Variants in PRDM10 observed in about 807,000 individuals in gnomAD.
PRDM10 encodes PR domain zinc finger protein 10.
Under a neutral mutation model 133.1 loss-of-function variants are expected in PRDM10, and 65 were observed. The ratio of observed to expected loss-of-function variants is 0.49; its 90% CI spans 0.40 to 0.60. PRDM10 has a LOEUF of 0.60. Among genes scored for constraint, PRDM10 ranks in the 20% least tolerant of loss-of-function variants. PRDM10 has a pLI of 0.00. For missense variants in PRDM10, 1,137 were observed against 1,507.1 expected, an observed-to-expected ratio of 0.75 and a Z score of 4.07; for synonymous variants, 582 against 580.4, an observed-to-expected ratio of 1.00 and a Z score of -0.04.
At chr11:129,917,084 A>G (rs762769444) in intron 15 of PRDM10, 43 bp downstream of exon 15, 1 of 1,435,528 alleles carries the variant, frequency 7.0e-7, no homozygotes, top group South Asian at 1.2e-5. Flanking sequence ...AGCTCTAAGC[A>G]GGGAACCCCA....
rs1177832697 is a variant in PRDM10 at position 129,987,030 on chromosome 11, T to C, written c.-119+15692A>G. Among the ~76,000 whole-genome samples the C allele has an allele frequency of 4.6e-5, 7 of 152,260 alleles. 1 individual carries two copies. The South Asian group carries it at 1.2e-3, about 27-fold the overall frequency. On this transcript the variant is annotated intron_variant, in intron 1 of 20. Coordinates refer to ENST00000360871, the MANE Select transcript of PRDM10 (RefSeq NM_199437.2). Reference sequence around the variant, plus strand: ...AGGAATAAGAATAGCCAAATGAAAATAAGCACCTCAAGTTCTTGTCTGCTA... The same window carrying C: ...AGGAATAAGAATAGCCAAATGAAAACAAGCACCTCAAGTTCTTGTCTGCTA...
intron 1 of PRDM10, among the ~76,000 whole-genome samples, chr11:129,973,941 T>C (rs1194973449): frequency 6.6e-6 from 1 of 152,248 alleles, no homozygotes; most frequent in Non-Finnish European, 1.5e-5. Flanking sequence ...CTGCCTTGCC[T>C]AGCTCAAGGC....
chr11:129,919,928 C>T (rs1591596187), intron 13 of PRDM10, among the ~76,000 whole-genome samples: 1 of 152,170 alleles, frequency 6.6e-6, no homozygotes, highest in South Asian at 2.1e-4. Flanking sequence ...CTATCCCACC[C>T]GCCTTCATTT....
intron 19 of PRDM10, among the ~76,000 whole-genome samples, chr11:129,909,057 A>G (rs903965345): frequency 1.8e-4 from 27 of 152,182 alleles, no homozygotes; most frequent in African/African-American, 6.0e-4. Flanking sequence ...CAGGAATTAC[A>G]CTGAGTACAG....
chr11:129,996,803 GAACTGTGTGCTTTGTTA>G (rs1939090258), intron 1 of PRDM10, among the ~76,000 whole-genome samples: 5 of 115,686 alleles, frequency 4.3e-5, no homozygotes, highest in African/African-American at 2.2e-4. Context: ...GAACCATTTA[GAACTGTGTGCTTTGTTA>G]TTGAGCCATT....
chr11:129,932,225 T>C lies in PRDM10; in HGVS notation c.1164A>G (p.Arg388=). Residue 388 remains arginine (R), a synonymous_variant, in exon 10 of 21, where the codon AGA becomes AGG. Coordinates refer to ENST00000360871, the MANE Select transcript of PRDM10 (RefSeq NM_199437.2). ...DEKLDVFSRT[R]GRGRGRGKRR... ...TCTTGCCTCGTCCCCTTCCTCTGCC[T>C]CTTGTTCTGGGGACAAGAGATTGGG... 6.2e-7 allele frequency: 1 copy of C among 1,613,996 alleles called. No individual in the cohort carries two copies. The highest frequency in any genetic ancestry group is 8.5e-7 in the Non-Finnish European group (1 of 1,179,932).
chr11:129,999,967 T>C (rs1046116904), intron 1 of PRDM10, among the ~76,000 whole-genome samples: 33 of 152,104 alleles, frequency 2.2e-4, no homozygotes, highest in African/African-American at 7.7e-4. Flanking sequence ...CAAAACCAAC[T>C]TGAAATACAC....
chr11:129,986,540 C>T (rs1938448644), intron 1 of PRDM10, among the ~76,000 whole-genome samples: 1 of 152,136 alleles, frequency 6.6e-6, no homozygotes, highest in Admixed American at 6.5e-5. Context: ...GCGTGCAGCA[C>T]CATGGCCGGC....
chr11:129,918,829 G>A lies in PRDM10; in HGVS notation c.2035-111C>T. The A allele has an allele frequency of 9.0e-7, 1 of 1,105,514 alleles. No homozygotes were observed. The highest frequency in any genetic ancestry group is 2.4e-5 in the East Asian group (1 of 41,446). The allele number at this position is 1,105,514 out of a possible 1,614,324, so 68.5% of individuals were successfully genotyped here. A position where few individuals can be genotyped will look rare whatever the true frequency, so the allele number is the denominator to read the frequency against. ...ATTAGCAGTCACCACAAGCCTCCAA[G>A]AGACATTTGAGTTGCTGGAACACTA... On this transcript the variant is annotated intron_variant, in intron 13 of 20. Coordinates refer to ENST00000360871, the MANE Select transcript of PRDM10 (RefSeq NM_199437.2). This position sits in a 1 kb window ranked among gnomAD's most constrained non-coding sequence, Gnocchi z 5.3.
intron 11 of PRDM10, 92 bp from the exon 12 acceptor site, chr11:129,925,321 C>T: frequency 8.6e-7 from 1 of 1,158,886 alleles, no homozygotes. Context: ...ATGATCTCTG[C>T]AATCACAGAC....
chr11:129,967,544 C>T (rs775657303), intron 1 of PRDM10, among the ~76,000 whole-genome samples: 4 of 152,098 alleles, frequency 2.6e-5, no homozygotes, highest in Non-Finnish European at 5.9e-5. Context: ...CACATAACAA[C>T]GATGAACATT....
chr11:129,990,539 A>G (rs969946568), intron 1 of PRDM10, among the ~76,000 whole-genome samples: 1 of 147,008 alleles, frequency 6.8e-6, no homozygotes, highest in Non-Finnish European at 1.5e-5. Flanking sequence ...AAAAAAAAAA[A>G]AAAAAAGCAA....
chr11:129,929,569 C>A (rs1565470086), intron 11 of PRDM10: 17 of 671,780 alleles, frequency 2.5e-5, no homozygotes, highest in Non-Finnish European at 3.6e-5. Flanking sequence ...GAAAAAAAAA[C>A]AAAATAGCTC....
chr11:129,975,497 T>C (rs1302961974), intron 1 of PRDM10, among the ~76,000 whole-genome samples: 1 of 152,056 alleles, frequency 6.6e-6, no homozygotes, highest in African/African-American at 2.4e-5. Context: ...TTTACTGCTA[T>C]AAAAAACGTA....
At chr11:129,957,380 G>A (rs1230027323) in intron 3 of PRDM10, among the ~76,000 whole-genome samples, 103 of 152,222 alleles carry the variant, frequency 6.8e-4, no homozygotes, top group Non-Finnish European at 2.1e-4. Flanking sequence ...GTGCAGTGGC[G>A]CGATCTCGGC....
intron 19 of PRDM10, among the ~76,000 whole-genome samples, chr11:129,908,639 C>T (rs1218515275): frequency 1.3e-5 from 2 of 152,146 alleles, no homozygotes; most frequent in Admixed American, 6.5e-5. Flanking sequence ...CAGGATGGTT[C>T]GTTACACTCC....
intron 6 of PRDM10, among the ~76,000 whole-genome samples, chr11:129,943,281 C>T (rs573311187): frequency 6.6e-6 from 1 of 152,354 alleles, no homozygotes; most frequent in Non-Finnish European, 1.5e-5. Flanking sequence ...CAGGTCAGAC[C>T]TGTTTCAAAA....
intron 4 of PRDM10, chr11:129,948,183 TG>T (rs1173611739): frequency 7.0e-6 from 3 of 429,496 alleles, no homozygotes; most frequent in Non-Finnish European, 1.4e-5. Flanking sequence ...AAAATAAAAA[TG>T]GTACCTTAAA....
At chr11:129,936,665 G>T (rs535170206) in intron 8 of PRDM10, among the ~76,000 whole-genome samples, 1 of 149,876 alleles carries the variant, frequency 6.7e-6, no homozygotes, top group South Asian at 2.1e-4. Flanking sequence ...AAAAAAAAAA[G>T]AATAGTGCTT....
Sources: gnomAD v4.1 joint callset for allele counts (sites outside exome capture counted in the v4.1 genomes callset) on GRCh38, gnomAD v4.1.1 for gene constraint, Gnocchi (gnomAD v3.1) non-coding constraint, MANE v1.5 for transcripts, NCBI Gene and HGNC (gene_info 2026-07-23, HGNC 2026-07-21) for gene names.